The following CHTF8 variants were observed in gnomAD, a reference collection of about 807,000 sequenced individuals.
The protein encoded by CHTF8 is chromosome transmission fidelity factor 8.
In CHTF8, 6 loss-of-function variants were observed where a neutral mutation model predicts 11.0. That is an observed-to-expected ratio of 0.55 (90% CI 0.30 to 1.08). The LOEUF is 1.08. CHTF8 is among the 50% of genes least tolerant of loss of function. The pLI, the probability that CHTF8 is intolerant of heterozygous loss-of-function variation, is 0.07. For missense variants in CHTF8, 140 were observed against 153.1 expected (o/e 0.91, Z 0.45); for synonymous variants, 53 against 60.5 (o/e 0.88, Z 0.57).
chr16:69,123,151 G>A (rs1961807602), intron 1 of CHTF8, among the ~76,000 whole-genome samples: 1 of 152,060 alleles, frequency 6.6e-6, no homozygotes, highest in South Asian at 2.1e-4. Flanking sequence ...TTACTGCCCG[G>A]GCTTAAGTGA....
At chr16:69,126,018 T>C (rs1962034742) in intron 1 of CHTF8, among the ~76,000 whole-genome samples, 1 of 152,228 alleles carries the variant, frequency 6.6e-6, no homozygotes, top group Non-Finnish European at 1.5e-5. Flanking sequence ...ATTTAAGGAA[T>C]GGTACATTTT....
At chr16:69,125,168 T>C (rs564238166) in intron 1 of CHTF8, among the ~76,000 whole-genome samples, 2 of 152,286 alleles carry the variant, frequency 1.3e-5, no homozygotes, top group East Asian at 3.9e-4. Flanking sequence ...CCTCCAAAAG[T>C]ACTGAGATTA....
intron 1 of CHTF8, among the ~76,000 whole-genome samples, chr16:69,129,228 A>C (rs1387168987): frequency 6.6e-6 from 1 of 152,012 alleles, no homozygotes; most frequent in Non-Finnish European, 1.5e-5. Context: ...CAGGAGATCG[A>C]GATCATCCTG....
rs1200244796 is a variant in CHTF8 at position 69,119,861 on chromosome 16, G to C, written c.*564C>G. ...GGAGGACCATTCCCAGAGGTTAACA[G>C]AACACCGGCTCTCAGGTTAGGTCCA... On this transcript the variant is annotated 3_prime_UTR_variant, in exon 4 of 4. Transcript: ENST00000448552. The C allele has an allele frequency of 2.9e-6, 2 of 701,420 alleles. No individual in the cohort carries two copies. Among genetic ancestry groups the C allele is most frequent in the Non-Finnish European group, 5.2e-6 (2 of 385,016 alleles). 43.4% of individuals were successfully genotyped at this position (701,420 alleles called of 1,614,324 possible).
In CHTF8 at chr16:69,120,168, C is replaced by A; in HGVS notation, c.*257G>T. On this transcript the variant is annotated 3_prime_UTR_variant, in exon 4 of 4. Coordinates refer to ENST00000448552, the MANE Select transcript of CHTF8 (RefSeq NM_001039690.5). This position sits in a 1 kb window ranked among gnomAD's most constrained non-coding sequence, Gnocchi z 4.0. Reference sequence around the variant, plus strand: ...CCATACTTGGGTCACGAGCACCAGCCGGGAAAGGTGCTGGATTTGAAGCCA... The same window carrying A: ...CCATACTTGGGTCACGAGCACCAGCAGGGAAAGGTGCTGGATTTGAAGCCA... 2 of 701,502 alleles carry A rather than the reference C, an allele frequency of 2.9e-6. No homozygotes were observed. Among genetic ancestry groups the A allele is most frequent in the Non-Finnish European group, 5.2e-6 (2 of 385,092 alleles). The allele number at this position is 701,502 out of a possible 1,614,324, so 43.5% of individuals were successfully genotyped here.
In CHTF8 at chr16:69,125,877, A is replaced by G. The variant is rs1358446320; in HGVS notation, c.-35-4384T>C. 2.0e-5 allele frequency among the ~76,000 whole-genome samples: 3 copies of G among 152,230 alleles called. No individual in the cohort carries two copies. In the East Asian group the frequency reaches 5.8e-4, roughly 29 times the overall value. The stretch of plus-strand genomic sequence containing the variant: ...GACTATGACACCTAGATTATGTCCT[A>G]TGAAACTATTGCAAAGACCAAATAT... On this transcript the variant is annotated intron_variant, in intron 1 of 3. Coordinates refer to ENST00000448552, the MANE Select transcript of CHTF8 (RefSeq NM_001039690.5).
Position 69,121,503 on chromosome 16 carries a change from G to T in CHTF8, c.-35-10C>A. 2 of 1,526,354 alleles carry T rather than the reference G, an allele frequency of 1.3e-6. No individual in the cohort carries two copies. The highest frequency in any genetic ancestry group is 1.2e-5 in the South Asian group (1 of 84,212). The allele number at this position is 1,526,354 out of a possible 1,614,324, so 94.6% of individuals were successfully genotyped here. ...AGCAAGTGAAAACAAGCTGTAGAGA[G>T]AAAAAAAGAGATTTAGGGTAATAAC... is the stretch of plus-strand genomic sequence containing the variant. On this transcript the variant is annotated splice_polypyrimidine_tract_variant and intron_variant, in intron 1 of 3. Transcript: ENST00000448552.
At chr16:69,127,440 A>G (rs186017887) in intron 1 of CHTF8, among the ~76,000 whole-genome samples, 173 of 152,190 alleles carry the variant, frequency 1.1e-3, no homozygotes, top group Middle Eastern at 3.4e-3. Flanking sequence ...TTCCAGCAAC[A>G]CTGAAAGACG....
In CHTF8 at chr16:69,119,202, G is replaced by A. The variant is rs992784148; in HGVS notation, c.*1223C>T. The A allele has an allele frequency of 1.4e-6, 1 of 703,068 alleles. No individual in the cohort carries two copies. The highest frequency in any genetic ancestry group is 2.6e-6 in the Non-Finnish European group (1 of 385,012). The allele number at this position is 703,068 out of a possible 1,614,324, so 43.6% of individuals were successfully genotyped here. A position where few individuals can be genotyped will look rare whatever the true frequency, so the allele number is the denominator to read the frequency against. ...CAGTGGCCCTTGGGAAGTTAGCTGG[G>A]TTGGGGCCAAGTGGCCCAGAGGCTC... is the stretch of plus-strand genomic sequence containing the variant. On this transcript the variant is annotated 3_prime_UTR_variant, in exon 4 of 4. Transcript: ENST00000448552.
chr16:69,121,126 T>C lies in CHTF8; in HGVS notation c.68A>G (p.Gln23Arg). Residue 23 changes from glutamine to arginine, a missense_variant, in exon 3 of 4, where the codon CAG (glutamine) becomes CGG (arginine). Physicochemically the swap from Gln to Arg is conservative, Grantham distance 43. Coordinates refer to ENST00000448552, the MANE Select transcript of CHTF8 (RefSeq NM_001039690.5). ...GLAEWVLMEL[Q>R]GEIEARYSTG... is the part of the protein sequence containing the mutation. ...GCTGTAGCGAGCCTCGATCTCCCCC[T>C]GTAGCTCCATCAGCACCCATTCTGC... 6.2e-7 allele frequency: 1 copy of C among 1,613,678 alleles called. No homozygotes were observed. Among genetic ancestry groups the C allele is most frequent in the Non-Finnish European group, 8.5e-7 (1 of 1,180,008 alleles).
chr16:69,127,376 C>T (rs183650995), intron 1 of CHTF8, among the ~76,000 whole-genome samples: 2 of 152,020 alleles, frequency 1.3e-5, no homozygotes, highest in East Asian at 3.9e-4. Context: ...ACAAGCATAA[C>T]AATGGAAATT....
intron 1 of CHTF8, among the ~76,000 whole-genome samples, chr16:69,125,656 A>C (rs1041000038): frequency 3.3e-5 from 5 of 152,242 alleles, no homozygotes; most frequent in African/African-American, 1.2e-4. Flanking sequence ...AAAAGGGGTA[A>C]TACCCAAGCT....
At chr16:69,125,749 T>C (rs1326127196) in intron 1 of CHTF8, among the ~76,000 whole-genome samples, 1 of 152,246 alleles carries the variant, frequency 6.6e-6, no homozygotes, top group Non-Finnish European at 1.5e-5. Context: ...TTATAAGGTT[T>C]CTTGAAGAAG....
At chr16:69,121,295 G>T (rs1961636140) in intron 2 of CHTF8, 125 bp from the exon 3 acceptor site, 1 of 1,231,538 alleles carries the variant, frequency 8.1e-7, no homozygotes, top group African/African-American at 1.5e-5. Flanking sequence ...AAATTGGGCA[G>T]TGCTAGGCAT....
chr16:69,124,110 GAA>G (rs548522836), intron 1 of CHTF8, among the ~76,000 whole-genome samples: 2 of 138,248 alleles, frequency 1.4e-5, no homozygotes. Flanking sequence ...TCTCAAAGGG[GAA>G]AAAAAAAAAA....
intron 1 of CHTF8, among the ~76,000 whole-genome samples, chr16:69,131,788 G>A (rs1354822943): frequency 1.3e-5 from 2 of 151,114 alleles, no homozygotes; most frequent in East Asian, 3.9e-4. Flanking sequence ...TCTCCAAATT[G>A]TTCCCGGTTC....
intron 1 of CHTF8, among the ~76,000 whole-genome samples, chr16:69,128,686 C>G (rs1312974570): frequency 6.6e-6 from 1 of 152,214 alleles, no homozygotes; most frequent in Non-Finnish European, 1.5e-5. Flanking sequence ...AACTAAAAAG[C>G]TTTGGCTGTA....
At chr16:69,121,354 C>T in intron 2 of CHTF8, 82 bp downstream of exon 2, 1 of 1,336,846 alleles carries the variant, frequency 7.5e-7, no homozygotes, top group Non-Finnish European at 1.0e-6. Flanking sequence ...CACCTAAGGA[C>T]CCTGATTCTT....
intron 1 of CHTF8, among the ~76,000 whole-genome samples, chr16:69,122,422 G>A (rs997368644): frequency 6.6e-6 from 1 of 151,126 alleles, no homozygotes; most frequent in Non-Finnish European, 1.5e-5. Context: ...ACCAAATCTG[G>A]AGCGCAGTGG....
Sources: allele counts gnomAD v4.1 joint callset (sites outside exome capture counted in the v4.1 genomes callset), GRCh38; gene constraint gnomAD v4.1.1; non-coding constraint Gnocchi (gnomAD v3.1); transcripts MANE v1.5; gene names NCBI Gene and HGNC (gene_info 2026-07-23, HGNC 2026-07-21).